The following DPF3 variants were observed in gnomAD, a reference collection of about 807,000 sequenced individuals.
DPF3 encodes double PHD fingers 3.
In DPF3, 18 loss-of-function variants were observed where a neutral mutation model predicts 56.8. The ratio of observed to expected loss-of-function variants is 0.32; its 90% CI spans 0.22 to 0.47. The LOEUF (loss-of-function observed/expected upper bound fraction) is 0.47. Among genes scored for constraint, DPF3 ranks in the 20% least tolerant of loss-of-function variants. The pLI, the probability that DPF3 is intolerant of heterozygous loss-of-function variation, is 1.00. For missense variants in DPF3, 403 were observed against 488.8 expected, an observed-to-expected ratio of 0.82 and a Z score of 1.65; for synonymous variants, 188 against 180.2, an observed-to-expected ratio of 1.04 and a Z score of -0.35.
intron 1 of DPF3, among the ~76,000 whole-genome samples, chr14:72,861,234 C>T (rs1885394528): frequency 6.6e-6 from 1 of 152,062 alleles, no homozygotes; most frequent in Admixed American, 6.6e-5. Context: ...CAATGATTAC[C>T]GTTTTTATTG....
intron 8 of DPF3, chr14:72,662,722 A>G (rs983725627): frequency 4.0e-6 from 4 of 991,962 alleles, no homozygotes; most frequent in Non-Finnish European, 4.8e-6. Flanking sequence ...TGGGCAAGGG[A>G]AGAGGAAGAA....
chr14:72,645,988 C>T (rs1440737422), intron 8 of DPF3, among the ~76,000 whole-genome samples: 1 of 152,194 alleles, frequency 6.6e-6, no homozygotes. Flanking sequence ...CACCCCGGAT[C>T]TGACCTAGGG....
chr14:72,617,120 T>C lies in DPF3; in HGVS notation c.*2177A>G, dbSNP rs1884134421. On this transcript the variant is annotated 3_prime_UTR_variant, in exon 11 of 11. Transcript: ENST00000556509. ...TCAGCTTGTGTAGGCAGAGCAGACA[T>C]GGGGCTGAGATCGAACAGGGCTGCC... 1.3e-5 allele frequency among the ~76,000 whole-genome samples: 2 copies of C among 152,150 alleles called. No individual in the cohort carries two copies. The highest frequency in any genetic ancestry group is 4.8e-5 in the African/African-American group (2 of 41,430).
At chr14:72,628,224 A>G (rs150062869) in intron 9 of DPF3, among the ~76,000 whole-genome samples, 343 of 152,264 alleles carry the variant, frequency 2.3e-3, no homozygotes, top group African/African-American at 7.9e-3. Context: ...TGTTTTCCTC[A>G]TTAAATAAGA....
chr14:72,615,236 C>T lies in DPF3; in HGVS notation c.*4061G>A, dbSNP rs549480058. Among the ~76,000 whole-genome samples the T allele has an allele frequency of 1.2e-4, 18 of 152,216 alleles. No individual in the cohort carries two copies. In the South Asian group the frequency reaches 3.1e-3, roughly 26 times the overall value. ...AGGGCCCGCCCTGGGCCACGGGCGG[C>T]GCAACACCCCCTACCTCCTCACACA... is the stretch of plus-strand genomic sequence containing the variant. On this transcript the variant is annotated 3_prime_UTR_variant, in exon 11 of 11. Coordinates refer to ENST00000556509, the MANE Select transcript of DPF3 (RefSeq NM_001280542.3).
At chr14:72,813,493 C>T (rs1599464796) in intron 1 of DPF3, among the ~76,000 whole-genome samples, 4 of 152,192 alleles carry the variant, frequency 2.6e-5, no homozygotes, top group South Asian at 2.1e-4. Context: ...CCCACAGCAA[C>T]GAGAGAGTTT....
chr14:72,850,162 A>G (rs1021893187), intron 1 of DPF3, among the ~76,000 whole-genome samples: 5 of 152,248 alleles, frequency 3.3e-5, no homozygotes, highest in Middle Eastern at 3.4e-3. Context: ...GGTCATATAA[A>G]AATGCAAATT....
intron 2 of DPF3, among the ~76,000 whole-genome samples, chr14:72,765,541 G>A (rs968720288): frequency 3.3e-5 from 5 of 152,196 alleles, no homozygotes; most frequent in Admixed American, 3.3e-4. Flanking sequence ...TAAATTAACT[G>A]TGATACAGCC....
intron 6 of DPF3, among the ~76,000 whole-genome samples, chr14:72,695,675 A>G (rs539122625): frequency 6.6e-6 from 1 of 152,294 alleles, no homozygotes; most frequent in Non-Finnish European, 1.5e-5. Context: ...AGATGGAAAC[A>G]ACAGATGCTG....
chr14:72,894,010 T>TC (rs1168122071), intron 1 of DPF3, 47 bp downstream of exon 1: 1 of 1,604,074 alleles, frequency 6.2e-7, no homozygotes, highest in Non-Finnish European at 8.5e-7. Context: ...GCCTTTTTTT[T>TC]CATATTGAAA....
intron 2 of DPF3, among the ~76,000 whole-genome samples, chr14:72,762,673 T>C (rs1217422848): frequency 2.0e-5 from 3 of 152,006 alleles, no homozygotes; most frequent in African/African-American, 7.2e-5. Context: ...ATGCTTTCTC[T>C]TTAAGATCAG....
chr14:72,739,875 C>A (rs923125139), intron 3 of DPF3, among the ~76,000 whole-genome samples: 39 of 152,258 alleles, frequency 2.6e-4, no homozygotes, highest in East Asian at 9.7e-4. Flanking sequence ...AAATCCCGGC[C>A]CTCATAGAAT....
intron 7 of DPF3, among the ~76,000 whole-genome samples, chr14:72,680,873 G>A (rs1438830568): frequency 6.6e-6 from 1 of 152,232 alleles, no homozygotes; most frequent in African/African-American, 2.4e-5. Context: ...AACACGCTAG[G>A]TGATGTCCTG....
At chr14:72,746,664 G>T (rs1392449797) in intron 3 of DPF3, among the ~76,000 whole-genome samples, 1 of 152,250 alleles carries the variant, frequency 6.6e-6, no homozygotes, top group Non-Finnish European at 1.5e-5. Flanking sequence ...TTCCCCCGAG[G>T]GCGGATAATT....
At position 72,650,160 on chromosome 14, in the gene DPF3, G is replaced by C. The variant is rs1349037622; in HGVS notation, c.872-20424C>G. Among the ~76,000 whole-genome samples, 52 of 152,292 alleles carry C rather than the reference G, an allele frequency of 3.4e-4. 1 individual carries two copies. The East Asian group carries it at 9.9e-3, about 29-fold the overall frequency. On this transcript the variant is annotated intron_variant, in intron 8 of 10. Coordinates refer to ENST00000556509, the MANE Select transcript of DPF3 (RefSeq NM_001280542.3). ...CTTGAGGGAAAAATGAGGACCCAGA[G>C]GATGGCCTGGGGATGAGGGGGGACT... is the stretch of plus-strand genomic sequence containing the variant.
intron 1 of DPF3, among the ~76,000 whole-genome samples, chr14:72,827,255 C>T (rs1030970670): frequency 6.6e-6 from 1 of 151,968 alleles, no homozygotes; most frequent in Non-Finnish European, 1.5e-5. Context: ...AACCAAGGCC[C>T]TCCTCCCTCC....
chr14:72,640,986 G>A (rs774494591), intron 8 of DPF3, among the ~76,000 whole-genome samples: 1 of 152,204 alleles, frequency 6.6e-6, no homozygotes, highest in Admixed American at 6.5e-5. Flanking sequence ...GCACCAAGAA[G>A]AGAGTCCACT....
intron 1 of DPF3, chr14:72,892,218 G>T (rs936654636): frequency 2.5e-5 from 39 of 1,535,310 alleles, no homozygotes; most frequent in Non-Finnish European, 3.1e-5. Flanking sequence ...TGTGATTTCG[G>T]CTGGAAATGG....
At chr14:72,854,759 C>G (rs1337945444) in intron 1 of DPF3, among the ~76,000 whole-genome samples, 7 of 152,158 alleles carry the variant, frequency 4.6e-5, no homozygotes, top group Non-Finnish European at 1.0e-4. Context: ...TTCAGCCTGG[C>G]CCTGAAATCA....
Sources: gnomAD v4.1 joint callset for allele counts (sites outside exome capture counted in the v4.1 genomes callset) on GRCh38, gnomAD v4.1.1 for gene constraint, MANE v1.5 for transcripts, NCBI Gene and HGNC (gene_info 2026-07-23, HGNC 2026-07-21) for gene names.